Variants in LOXHD1 observed in about 807,000 individuals in gnomAD.
LOXHD1 encodes the protein lipoxygenase homology PLAT domains 1.
Under a neutral mutation model 248.2 loss-of-function variants are expected in LOXHD1, and 205 were observed. The ratio of observed to expected loss-of-function variants is 0.83; its 90% CI spans 0.74 to 0.93. The LOEUF (loss-of-function observed/expected upper bound fraction) is 0.93. LOXHD1 is among the 40% of genes least tolerant of loss of function. The probability of loss-of-function intolerance (pLI) is 0.00; values close to 1 mark genes in which losing one functional copy is unlikely to be tolerated. For synonymous variants in LOXHD1, 1,113 were observed against 1,162.8 expected (o/e 0.96, Z 0.87); for missense variants, 2,930 against 2,971.6 (o/e 0.99, Z 0.33).
At chr18:46,531,793 C>G (rs533956954) in intron 28 of LOXHD1, among the ~76,000 whole-genome samples, 3 of 152,292 alleles carry the variant, frequency 2.0e-5, no homozygotes, top group South Asian at 2.1e-4. Context: ...CAGAACAGCC[C>G]AAGTGCTCTC....
intron 35 of LOXHD1, among the ~76,000 whole-genome samples, chr18:46,509,396 G>A (rs1244870711): frequency 6.6e-6 from 1 of 152,134 alleles, no homozygotes; most frequent in Non-Finnish European, 1.5e-5. Flanking sequence ...AACCCTCCCA[G>A]CTGCTGTCCT....
downstream of LOXHD1, chr18:46,477,243 T>C (rs1394221789): frequency 1.3e-6 from 1 of 745,112 alleles, no homozygotes; most frequent in Admixed American, 2.0e-5. Flanking sequence ...AAAAAGGAAA[T>C]ACAAAAAATT....
Position 46,543,002 on chromosome 18 carries a change from C to A in LOXHD1, c.3620-147G>T. Reference sequence around the variant, plus strand: ...TGTGCAATTATCATCCATTGGCCACCTTTGCACAGTGGGCATTTTAAAAAA... The same window carrying A: ...TGTGCAATTATCATCCATTGGCCACATTTGCACAGTGGGCATTTTAAAAAA... On this transcript the variant is annotated intron_variant, in intron 23 of 40. Coordinates refer to ENST00000642948, the MANE Select transcript of LOXHD1 (RefSeq NM_001384474.1). The A allele has an allele frequency of 3.4e-6, 4 of 1,168,232 alleles. No individual in the cohort carries two copies. In the South Asian group the frequency reaches 4.9e-5, roughly 14 times the overall value. The allele number at this position is 1,168,232 out of a possible 1,614,324, so 72.4% of individuals were successfully genotyped here.
intron 12 of LOXHD1, among the ~76,000 whole-genome samples, chr18:46,586,660 C>G (rs571222169): frequency 7.2e-5 from 11 of 152,222 alleles, no homozygotes; most frequent in African/African-American, 2.6e-4. Flanking sequence ...GTAGGCCAAG[C>G]TGGTCTCGAA....
At chr18:46,541,729 T>A in intron 25 of LOXHD1, 47 bp downstream of exon 25, 1 of 1,548,366 alleles carries the variant, frequency 6.5e-7, no homozygotes, top group Non-Finnish European at 8.7e-7. Context: ...GGGTAGCTGG[T>A]GATGGGGCCC....
At chr18:46,622,856 G>C (rs1368524098) in intron 4 of LOXHD1, among the ~76,000 whole-genome samples, 2 of 152,186 alleles carry the variant, frequency 1.3e-5, no homozygotes, top group Non-Finnish European at 2.9e-5. Context: ...CACCGCTTCT[G>C]CAATCTTAGT....
intron 1 of LOXHD1, among the ~76,000 whole-genome samples, chr18:46,654,041 G>A (rs1035578922): frequency 6.6e-6 from 1 of 152,116 alleles, no homozygotes; most frequent in African/African-American, 2.4e-5. Flanking sequence ...ATTAAGGGGT[G>A]GGGCCTTTAA....
chr18:46,552,064 G>C (rs1387340051), intron 21 of LOXHD1, among the ~76,000 whole-genome samples: 1 of 152,094 alleles, frequency 6.6e-6, no homozygotes, highest in African/African-American at 2.4e-5. Context: ...GTGGAAAAGG[G>C]AAGTAATTGT....
intron 8 of LOXHD1, among the ~76,000 whole-genome samples, chr18:46,594,749 A>G (rs1242149504): frequency 6.6e-6 from 1 of 152,242 alleles, no homozygotes; most frequent in Non-Finnish European, 1.5e-5. Flanking sequence ...CTTTAAGCAC[A>G]TCATAAATTC....
At chr18:46,573,216 G>T (rs1050381487) in intron 14 of LOXHD1, among the ~76,000 whole-genome samples, 7 of 151,992 alleles carry the variant, frequency 4.6e-5, no homozygotes, top group Admixed American at 1.3e-4. Context: ...GCAGGGCTGC[G>T]GTTTGATAGC....
rs1157080781 is a variant in LOXHD1, at chr18:46,533,210, C to T, written c.4327G>A (p.Asp1443Asn). 6.4e-7 allele frequency: 1 copy of T among 1,551,622 alleles called. No individual in the cohort carries two copies. Among genetic ancestry groups the T allele is most frequent in the Non-Finnish European group, 8.7e-7 (1 of 1,147,018 alleles). Residue 1443 changes from aspartate to asparagine, a missense_variant, in exon 28 of 41, where the codon GAT (aspartate) becomes AAT (asparagine). Transcript: ENST00000642948. ...YDIFTEKYMKDGSLRQVYKEV... is the reference protein window; with the variant it reads ...YDIFTEKYMKNGSLRQVYKEV... ...TTGTAGACTTGCCGTAAGGACCCAT[C>T]TTTCATGTATTTCTCAGTGAAGATG...
rs1259605779 is a variant in LOXHD1, at chr18:46,538,207, C to T, written c.4044G>A (p.Arg1348=). The part of the protein sequence containing the change: ...TQQKYLCTNK[R]EQKQFFERKS... Reference sequence around the variant, plus strand: ...TCCTCTCAAAGAACTGCTTCTGTTCCCTCTTGTTGGTACACAGATACTTCT... The same window carrying T: ...TCCTCTCAAAGAACTGCTTCTGTTCTCTCTTGTTGGTACACAGATACTTCT... Residue 1348 remains arginine (R), a synonymous_variant, in exon 26 of 41, where the codon AGG becomes AGA. Transcript: ENST00000642948. 3 of 1,541,300 alleles carry T rather than the reference C, an allele frequency of 1.9e-6. No individual in the cohort carries two copies. Among genetic ancestry groups the T allele is most frequent in the East Asian group, 4.9e-5 (2 of 40,558 alleles).
intron 36 of LOXHD1, 113 bp from the exon 37 acceptor site, chr18:46,506,136 G>A: frequency 1.7e-6 from 2 of 1,172,998 alleles, no homozygotes; most frequent in Non-Finnish European, 2.4e-6. Context: ...GGTGGACAGA[G>A]TACAGACTCA....
chr18:46,649,256 G>A lies in LOXHD1; in HGVS notation c.144C>T (p.Val48=), dbSNP rs1367768128. ...EYYKARVYEV[V]TATGDVRGAG... ...CACCGCGAACATCCCCCGTGGCTGT[G>A]ACCACTTCATACACTGGAGGAGGAG... Residue 48 remains valine, a synonymous_variant, in exon 2 of 41, where the codon GTC becomes GTT. Transcript: ENST00000642948. 1 of 1,551,798 alleles carries A rather than the reference G, an allele frequency of 6.4e-7. No individual in the cohort carries two copies. Among genetic ancestry groups the A allele is most frequent in the Non-Finnish European group, 8.7e-7 (1 of 1,146,986 alleles).
intron 5 of LOXHD1, among the ~76,000 whole-genome samples, chr18:46,611,803 C>A (rs562258325): frequency 6.6e-6 from 1 of 152,150 alleles, no homozygotes; most frequent in Non-Finnish European, 1.5e-5. Context: ...ATGTCTAAGG[C>A]CTCACTGTCC....
chr18:46,519,538 G>A (rs753035541), intron 33 of LOXHD1, among the ~76,000 whole-genome samples: 3 of 152,182 alleles, frequency 2.0e-5, no homozygotes, highest in Non-Finnish European at 2.9e-5. Context: ...AGAGCCTCTT[G>A]CTTTACCAAG....
At chr18:46,519,746 C>T (rs1180660680) in intron 33 of LOXHD1, among the ~76,000 whole-genome samples, 1 of 152,180 alleles carries the variant, frequency 6.6e-6, no homozygotes, top group African/African-American at 2.4e-5. Flanking sequence ...TTCTCTGCAT[C>T]CATCTTTCTC....
At chr18:46,623,534 C>A (rs2038696786) in intron 4 of LOXHD1, among the ~76,000 whole-genome samples, 1 of 152,242 alleles carries the variant, frequency 6.6e-6, no homozygotes, top group Non-Finnish European at 1.5e-5. Context: ...AAGGCCACAA[C>A]AGAGGGTTGT....
intron 33 of LOXHD1, 106 bp from the exon 34 acceptor site, chr18:46,518,362 G>C: frequency 7.4e-7 from 1 of 1,348,798 alleles, no homozygotes; most frequent in Non-Finnish European, 1.0e-6. Context: ...AAGTTCCACA[G>C]CTCTGGAAAG....
Sources: allele counts gnomAD v4.1 joint callset (sites outside exome capture counted in the v4.1 genomes callset), GRCh38; gene constraint gnomAD v4.1.1; transcripts MANE v1.5; gene names NCBI Gene and HGNC (gene_info 2026-07-23, HGNC 2026-07-21).